PARD3B: variants seen among roughly 807,000 people sequenced by gnomAD.
PARD3B encodes par-3 family cell polarity regulator beta.
A neutral mutation model predicts 130.2 loss-of-function variants in PARD3B; 103 were observed. The ratio of observed to expected loss-of-function variants is 0.79; its 90% CI spans 0.67 to 0.93. PARD3B has a LOEUF of 0.93. Among genes scored for constraint, PARD3B ranks in the 40% least tolerant of loss-of-function variants. The pLI is 0.00. For missense variants in PARD3B, 1,609 were observed against 1,499.2 expected (o/e 1.07, Z -1.21); for synonymous variants, 583 against 553.2 (o/e 1.05, Z -0.76).
chr2:204,923,415 T>C lies in PARD3B; in HGVS notation c.223-41737T>C, dbSNP rs758489768. 9.9e-5 allele frequency among the ~76,000 whole-genome samples: 15 copies of C among 152,180 alleles called. No homozygotes were observed. The East Asian group carries it at 2.5e-3, about 25-fold the overall frequency. Reference sequence around the variant, plus strand: ...ATTAAATTTGATACAGCACAACTTATGTAAAATAAATTGCATTAATAGCTT... The same window carrying C: ...ATTAAATTTGATACAGCACAACTTACGTAAAATAAATTGCATTAATAGCTT... On this transcript the variant is annotated intron_variant, in intron 2 of 22. Coordinates refer to ENST00000406610, the MANE Select transcript of PARD3B (RefSeq NM_001302769.2).
rs566976397 is a variant in PARD3B at position 205,600,784 on chromosome 2, C to T, written c.3261-14672C>T. ...GTTTTCTGTTCCTGCATCAGTTTGC[C>T]GAGGCTAATGGCTTCCAGCTCCATC... is the stretch of plus-strand genomic sequence containing the variant. On this transcript the variant is annotated intron_variant, in intron 22 of 22. Coordinates refer to ENST00000406610, the MANE Select transcript of PARD3B (RefSeq NM_001302769.2). Among the ~76,000 whole-genome samples the T allele has an allele frequency of 2.1e-4, 32 of 152,208 alleles. 3 individuals are homozygous for T. Among genetic ancestry groups the T allele is most frequent in the South Asian group, 2.1e-4 (1 of 4,820 alleles).
At chr2:204,945,426 G>A (rs1689240346) in intron 2 of PARD3B, among the ~76,000 whole-genome samples, 1 of 152,172 alleles carries the variant, frequency 6.6e-6, no homozygotes. Flanking sequence ...GAACCTGAAG[G>A]AGAAGCTCCT....
chr2:205,582,357 C>T (rs1377818518), intron 22 of PARD3B, among the ~76,000 whole-genome samples: 1 of 152,096 alleles, frequency 6.6e-6, no homozygotes, highest in Non-Finnish European at 1.5e-5. Flanking sequence ...AATGAAGAAA[C>T]ATTGCTTTTA....
intron 1 of PARD3B, among the ~76,000 whole-genome samples, chr2:204,656,935 C>T (rs1321092609): frequency 1.3e-5 from 2 of 152,168 alleles, no homozygotes; most frequent in African/African-American, 4.8e-5. Context: ...TTGTAATGTT[C>T]TGAAGTCACA....
At chr2:204,952,005 G>A (rs1185970407) in intron 2 of PARD3B, among the ~76,000 whole-genome samples, 1 of 152,148 alleles carries the variant, frequency 6.6e-6, no homozygotes. Flanking sequence ...GATAGTGGGG[G>A]ATTGTGGAAG....
intron 20 of PARD3B, among the ~76,000 whole-genome samples, chr2:205,495,003 TAGG>T (rs1439487972): frequency 6.6e-6 from 1 of 152,168 alleles, no homozygotes; most frequent in African/African-American, 2.4e-5. Context: ...GCAGCAGTCA[TAGG>T]AGGAGATGAA....
chr2:205,531,865 C>G (rs2051610527), intron 21 of PARD3B, among the ~76,000 whole-genome samples: 1 of 152,104 alleles, frequency 6.6e-6, no homozygotes, highest in South Asian at 2.1e-4. Flanking sequence ...CATCAGGAAC[C>G]ATGATTTGCA....
chr2:204,932,089 A>G (rs1688077288), intron 2 of PARD3B, among the ~76,000 whole-genome samples: 2 of 152,070 alleles, frequency 1.3e-5, no homozygotes, highest in Admixed American at 6.6e-5. Context: ...CACATTTGGT[A>G]TTATCTTAGA....
intron 2 of PARD3B, among the ~76,000 whole-genome samples, chr2:204,908,535 TTTC>T (rs1344070045): frequency 3.3e-5 from 5 of 152,212 alleles, no homozygotes; most frequent in Non-Finnish European, 7.4e-5. Context: ...CTACTATACT[TTTC>T]TTTGTATGAA....
At chr2:204,818,144 C>A (rs2043210891) in intron 2 of PARD3B, among the ~76,000 whole-genome samples, 1 of 152,096 alleles carries the variant, frequency 6.6e-6, no homozygotes, top group Non-Finnish European at 1.5e-5. Flanking sequence ...TCAGCAGATT[C>A]TTGGATAGTT....
At chr2:204,573,985 C>T in intron 1 of PARD3B, among the ~76,000 whole-genome samples, 1 of 152,174 alleles carries the variant, frequency 6.6e-6, no homozygotes, top group East Asian at 1.9e-4. Flanking sequence ...AAGAGGTTGG[C>T]CAGCTAGGTA....
At chr2:204,771,092 A>G (rs1242985415) in intron 2 of PARD3B, among the ~76,000 whole-genome samples, 1 of 152,138 alleles carries the variant, frequency 6.6e-6, no homozygotes, top group Non-Finnish European at 1.5e-5. Context: ...TAAAGATCAG[A>G]GCAGGCATGT....
At chr2:204,860,610 C>T (rs2045143845) in intron 2 of PARD3B, among the ~76,000 whole-genome samples, 1 of 152,178 alleles carries the variant, frequency 6.6e-6, no homozygotes, top group Non-Finnish European at 1.5e-5. Flanking sequence ...CAATTGTTAA[C>T]TGCAAGGAAA....
chr2:205,118,575 C>T (rs543706927), intron 6 of PARD3B, among the ~76,000 whole-genome samples: 1 of 152,340 alleles, frequency 6.6e-6, no homozygotes, highest in East Asian at 1.9e-4. Context: ...CACGTTGGCA[C>T]TAACTCAGAC....
intron 21 of PARD3B, among the ~76,000 whole-genome samples, chr2:205,509,752 C>T (rs1048266118): frequency 3.3e-5 from 5 of 152,226 alleles, no homozygotes; most frequent in African/African-American, 1.2e-4. Flanking sequence ...ACGTATGGAG[C>T]CCAAGCTTAC....
chr2:204,867,883 T>C (rs2045487488), intron 2 of PARD3B, among the ~76,000 whole-genome samples: 2 of 152,106 alleles, frequency 1.3e-5, no homozygotes, highest in Non-Finnish European at 1.5e-5. Context: ...AAATGGGAAG[T>C]GTTTGAAATA....
At chr2:205,184,457 G>C (rs2035977104) in intron 13 of PARD3B, among the ~76,000 whole-genome samples, 1 of 152,026 alleles carries the variant, frequency 6.6e-6, no homozygotes, top group African/African-American at 2.4e-5. Flanking sequence ...ATATAATTTA[G>C]TTTGGCCCGG....
chr2:205,239,194 C>A (rs995180243), intron 15 of PARD3B, among the ~76,000 whole-genome samples: 1 of 151,752 alleles, frequency 6.6e-6, no homozygotes, highest in Non-Finnish European at 1.5e-5. Context: ...CTTTTAAGGT[C>A]AAAGCTTGGG....
intron 1 of PARD3B, among the ~76,000 whole-genome samples, chr2:204,561,939 G>T (rs755315256): frequency 6.6e-6 from 1 of 152,064 alleles, no homozygotes; most frequent in African/African-American, 2.4e-5. Context: ...GGCCTGTTGG[G>T]TCTCAAACAA....
Sources: allele counts gnomAD v4.1 joint callset (sites outside exome capture counted in the v4.1 genomes callset), GRCh38; gene constraint gnomAD v4.1.1; transcripts MANE v1.5; gene names NCBI Gene and HGNC (gene_info 2026-07-23, HGNC 2026-07-21).